Variants in DNMBP observed in about 807,000 individuals in gnomAD.
DNMBP encodes the protein dynamin binding protein.
A neutral mutation model predicts 150.0 loss-of-function variants in DNMBP; 87 were observed. The observed-to-expected ratio is 0.58, with a 90% CI of 0.49 to 0.69. DNMBP has a LOEUF of 0.69. Among genes scored for constraint, DNMBP ranks in the 30% least tolerant of loss-of-function variants. The pLI is 0.00. For missense variants in DNMBP, 1,774 were observed against 1,949.0 expected, an observed-to-expected ratio of 0.91 and a Z score of 1.69; for synonymous variants, 711 against 750.4, an observed-to-expected ratio of 0.95 and a Z score of 0.86.
rs2040482067 is a variant in DNMBP at position 99,955,698 on chromosome 10, G to A, written c.1776C>T (p.Ser592=). 4 of 1,614,196 alleles carry A rather than the reference G, an allele frequency of 2.5e-6. No individual in the cohort carries two copies. Among genetic ancestry groups the A allele is most frequent in the Non-Finnish European group, 3.4e-6 (4 of 1,180,038 alleles). The change falls in exon 4 of 17, where the codon TCC becomes TCT. Residue 592 remains serine (S), a synonymous_variant. Coordinates refer to ENST00000324109, the MANE Select transcript of DNMBP (RefSeq NM_015221.4). ...FNSEKDIVRG[S]SKLITEQELP... is the part of the protein sequence containing the mutation. The stretch of plus-strand genomic sequence containing the variant: ...GCTCCTGCTCGGTGATTAACTTTGA[G>A]GAACCTCGGACAATATCCTTCTCAG...
At chr10:99,924,989 T>G (rs1220645385) in intron 4 of DNMBP, among the ~76,000 whole-genome samples, 1 of 152,180 alleles carries the variant, frequency 6.6e-6, no homozygotes, top group Non-Finnish European at 1.5e-5. Flanking sequence ...ATATGCTCTG[T>G]GCCCCTGCTC....
At chr10:99,882,021 G>A (rs997687854) in intron 15 of DNMBP, among the ~76,000 whole-genome samples, 3 of 152,190 alleles carry the variant, frequency 2.0e-5, no homozygotes, top group Non-Finnish European at 4.4e-5. Context: ...TCAGCACCCC[G>A]TAATCAATTC....
chr10:99,881,927 A>G (rs568131046), intron 15 of DNMBP, among the ~76,000 whole-genome samples: 1 of 152,310 alleles, frequency 6.6e-6, no homozygotes, highest in African/African-American at 2.4e-5. Context: ...AGGGCCAGAT[A>G]TGTTTTGGAA....
At chr10:99,945,920 A>G (rs1255214639) in intron 4 of DNMBP, among the ~76,000 whole-genome samples, 3 of 152,248 alleles carry the variant, frequency 2.0e-5, no homozygotes, top group Non-Finnish European at 2.9e-5. Flanking sequence ...CTTTCATGAG[A>G]CAACATGCAA....
At chr10:99,913,707 A>G (rs1327968189) in intron 4 of DNMBP, among the ~76,000 whole-genome samples, 1 of 151,834 alleles carries the variant, frequency 6.6e-6, no homozygotes, top group Non-Finnish European at 1.5e-5. Flanking sequence ...GTACATTATC[A>G]CCAGGCTCAC....
intron 6 of DNMBP, among the ~76,000 whole-genome samples, chr10:99,901,328 T>C (rs973786947): frequency 6.6e-5 from 10 of 152,128 alleles, no homozygotes; most frequent in South Asian, 2.1e-4. Flanking sequence ...ACTGGTAACA[T>C]TGGCTGCCTC....
At chr10:99,940,458 A>G (rs1242751377) in intron 4 of DNMBP, among the ~76,000 whole-genome samples, 1 of 152,048 alleles carries the variant, frequency 6.6e-6, no homozygotes, top group Non-Finnish European at 1.5e-5. Flanking sequence ...TCCCAGGCCA[A>G]TCTCTCCGTT....
At chr10:99,921,119 C>T (rs1190764263) in intron 4 of DNMBP, among the ~76,000 whole-genome samples, 1 of 152,204 alleles carries the variant, frequency 6.6e-6, no homozygotes, top group Non-Finnish European at 1.5e-5. Context: ...CTCAGCGAGC[C>T]CAGAGAACTG....
In DNMBP at chr10:99,956,565, T is replaced by C. The variant is rs764542121; in HGVS notation, c.909A>G (p.Thr303=). The C allele has an allele frequency of 6.2e-7, 1 of 1,614,134 alleles. No individual in the cohort carries two copies. The highest frequency in any genetic ancestry group is 8.5e-7 in the Non-Finnish European group (1 of 1,180,014). Reference sequence around the variant, plus strand: ...GCAGAGCCATGGTTTCCTCCACCCGTGTGTCAGGACATAATTTCACAAACC... The same window carrying C: ...GCAGAGCCATGGTTTCCTCCACCCGCGTGTCAGGACATAATTTCACAAACC... The part of the protein sequence containing the change: ...PYRFVKLCPD[T]RVEETMALPQ... The change falls in exon 4 of 17, where the codon ACA becomes ACG. Residue 303 remains threonine (T), a synonymous_variant. Transcript: ENST00000324109.
chr10:99,920,837 G>A (rs1379864953), intron 4 of DNMBP, among the ~76,000 whole-genome samples: 1 of 152,040 alleles, frequency 6.6e-6, no homozygotes, highest in Non-Finnish European at 1.5e-5. Context: ...AAGCCACCAC[G>A]CCCAGTTATT....
chr10:99,882,144 A>T (rs1305252481), intron 15 of DNMBP, among the ~76,000 whole-genome samples: 1 of 152,136 alleles, frequency 6.6e-6, no homozygotes, highest in African/African-American at 2.4e-5. Flanking sequence ...ATATAATCTC[A>T]TTCACGTGGA....
At chr10:99,990,708 TAC>T (rs1225118447) in intron 1 of DNMBP, among the ~76,000 whole-genome samples, 1 of 150,640 alleles carries the variant, frequency 6.6e-6, no homozygotes, top group East Asian at 2.0e-4. Flanking sequence ...CACACATATA[TAC>T]ACACATATAC....
intron 4 of DNMBP, among the ~76,000 whole-genome samples, chr10:99,951,940 G>A (rs551614762): frequency 6.6e-6 from 1 of 152,288 alleles, no homozygotes; most frequent in South Asian, 2.1e-4. Context: ...ATATGGTTTG[G>A]CTGTGTCCCC....
chr10:99,987,633 T>C (rs889910466), intron 1 of DNMBP, among the ~76,000 whole-genome samples: 1 of 151,522 alleles, frequency 6.6e-6, no homozygotes, highest in African/African-American at 2.4e-5. Context: ...ACTTGGGAGC[T>C]GAGGCAGGAG....
rs1394684068 is a variant in DNMBP at position 99,917,987 on chromosome 10, A to G, written c.2261-8841T>C. On this transcript the variant is annotated intron_variant, in intron 4 of 16. Transcript: ENST00000324109. ...CTGTCTCAAAAAAAAAAAAAAAAAA[A>G]AAAGAAAAGAAAGGAAAACATTGTT... 2.2e-4 allele frequency among the ~76,000 whole-genome samples: 12 copies of G among 54,764 alleles called. 1 individual carries two copies. Among genetic ancestry groups the G allele is most frequent in the East Asian group, 2.0e-3 (6 of 3,076 alleles). The allele number at this position is 54,764 out of a possible 152,430, so 35.9% of individuals were successfully genotyped here.
rs141426535 is a variant in DNMBP, at chr10:99,995,627, G to A, written c.-11+14211C>T. On this transcript the variant is annotated intron_variant, in intron 1 of 16. Coordinates refer to ENST00000324109, the MANE Select transcript of DNMBP (RefSeq NM_015221.4). Reference sequence around the variant, plus strand: ...GCTTGTTGGGGGCATTTCATGGGGTGAGCTTTGAAGTGCTGGTGGGCCAGA... The same window carrying A: ...GCTTGTTGGGGGCATTTCATGGGGTAAGCTTTGAAGTGCTGGTGGGCCAGA... Among the ~76,000 whole-genome samples the A allele has an allele frequency of 2.8e-3, 432 of 152,326 alleles. 1 individual carries two copies. The highest frequency in any genetic ancestry group is 8.7e-3 in the African/African-American group (363 of 41,568).
Position 99,956,727 on chromosome 10 carries a change from G to GACCCC in DNMBP, c.742_746dup (p.Ala250GlyfsTer38). 2 of 1,613,990 alleles carry GACCCC rather than the reference G, an allele frequency of 1.2e-6. No homozygotes were observed. Among genetic ancestry groups the GACCCC allele is most frequent in the Non-Finnish European group, 1.7e-6 (2 of 1,180,006 alleles). ...CCAGGGCTTGGAATCTGTACAGGGC[G>GACCCC]ACCCCATAGGTCCCTGGCTCCTCCT... is the stretch of plus-strand genomic sequence containing the variant. On this transcript the variant is annotated frameshift_variant, in exon 4 of 17. Transcript: ENST00000324109. LOFTEE classifies it high-confidence loss of function.
Position 100,001,640 on chromosome 10 carries a change from T to A in DNMBP, c.-11+8198A>T, listed in dbSNP as rs1195976614. ...GTTGTCCAGGCTGGTCTTGAACTCC[T>A]GAGCTCAAGTGATCCGCCCGCCTTG... On this transcript the variant is annotated intron_variant, in intron 1 of 16. Coordinates refer to ENST00000324109, the MANE Select transcript of DNMBP (RefSeq NM_015221.4). Among the ~76,000 whole-genome samples, 3 of 152,160 alleles carry A rather than the reference T, an allele frequency of 2.0e-5. No individual in the cohort carries two copies. In the East Asian group the frequency reaches 5.8e-4, roughly 29 times the overall value.
chr10:99,982,142 A>C (rs1034798612), intron 1 of DNMBP, among the ~76,000 whole-genome samples: 16 of 152,104 alleles, frequency 1.1e-4, no homozygotes, highest in African/African-American at 3.9e-4. Context: ...TATGAGAACA[A>C]CACATGAAAA....
Sources: gnomAD v4.1 joint callset for allele counts (sites outside exome capture counted in the v4.1 genomes callset) on GRCh38, gnomAD v4.1.1 for gene constraint, MANE v1.5 for transcripts, NCBI Gene and HGNC (gene_info 2026-07-23, HGNC 2026-07-21) for gene names.